The following GRID2 variants were observed in gnomAD, a reference collection of about 807,000 sequenced individuals.
GRID2 encodes the protein glutamate receptor ionotropic, delta-2.
Under a neutral mutation model 114.8 loss-of-function variants are expected in GRID2, and 33 were observed. That is an observed-to-expected ratio of 0.29 (90% CI 0.22 to 0.38). The LOEUF (loss-of-function observed/expected upper bound fraction) is 0.38, where lower values mean the gene tolerates loss of function less well. Among genes scored for constraint, GRID2 ranks in the 10% least tolerant of loss-of-function variants. The pLI, the probability that GRID2 is intolerant of heterozygous loss-of-function variation, is 1.00. For synonymous variants in GRID2, 505 were observed against 449.9 expected, an observed-to-expected ratio of 1.12 and a Z score of -1.55; for missense variants, 1,184 against 1,257.7, an observed-to-expected ratio of 0.94 and a Z score of 0.89.
At chr4:92,983,281 A>G (rs964451976) in intron 2 of GRID2, among the ~76,000 whole-genome samples, 3 of 152,044 alleles carry the variant, frequency 2.0e-5, no homozygotes, top group Non-Finnish European at 4.4e-5. Context: ...CTGGAGAGGA[A>G]CTTTTTACTG....
At chr4:93,052,470 A>G (rs539998569) in intron 2 of GRID2, among the ~76,000 whole-genome samples, 33 of 152,114 alleles carry the variant, frequency 2.2e-4, no homozygotes, top group African/African-American at 7.9e-4. Flanking sequence ...TATGGTGGAG[A>G]CTATTATTCC....
intron 1 of GRID2, among the ~76,000 whole-genome samples, chr4:92,435,277 G>A (rs1340357762): frequency 1.3e-5 from 2 of 152,166 alleles, no homozygotes; most frequent in Non-Finnish European, 2.9e-5. Context: ...CAACCTGAGT[G>A]TAGCTTTGTG....
chr4:93,336,012 T>C (rs1351054586), intron 8 of GRID2, among the ~76,000 whole-genome samples: 2 of 152,152 alleles, frequency 1.3e-5, no homozygotes, highest in East Asian at 3.8e-4. Context: ...AGTAATTTTT[T>C]CTCTAAAACA....
intron 2 of GRID2, among the ~76,000 whole-genome samples, chr4:92,836,628 G>A (rs1201156102): frequency 6.6e-6 from 1 of 152,012 alleles, no homozygotes; most frequent in Admixed American, 6.6e-5. Context: ...AATGTAAGGA[G>A]GCAGAAATAT....
chr4:93,238,581 A>T, intron 8 of GRID2, 91 bp downstream of exon 8: 1 of 1,079,618 alleles, frequency 9.3e-7, no homozygotes, highest in East Asian at 2.7e-5. Flanking sequence ...GTACCCATTA[A>T]AGTCAATATT....
rs1014561769 is a variant in GRID2 at position 93,180,823 on chromosome 4, C to A, written c.736-26581C>A. Among the ~76,000 whole-genome samples the A allele has an allele frequency of 2.0e-5, 3 of 152,114 alleles. No individual in the cohort carries two copies. The South Asian group carries it at 6.2e-4, about 32-fold the overall frequency. ...GGAATCCAGTCACATCTCCAGGCTC[C>A]AATTCTAATTCTTATTCCCTTGCTA... On this transcript the variant is annotated intron_variant, in intron 4 of 15. Transcript: ENST00000282020.
At chr4:93,741,189 ATATATATATATG>A (rs1417808304) in intron 14 of GRID2, among the ~76,000 whole-genome samples, 750 of 31,738 alleles carry the variant, frequency 0.024, 71 homozygotes, top group African/African-American at 0.065. Context: ...ATATATATAT[ATATATATATATG>A]TATATATATA....
At chr4:93,441,863 CA>C (rs10670834) in intron 10 of GRID2, among the ~76,000 whole-genome samples, 2 of 150,730 alleles carry the variant, frequency 1.3e-5, no homozygotes, top group Non-Finnish European at 3.0e-5. Flanking sequence ...TAACTAAGAA[CA>C]AAAAAAAATC....
At chr4:93,141,581 T>C (rs921373028) in intron 4 of GRID2, among the ~76,000 whole-genome samples, 2 of 152,242 alleles carry the variant, frequency 1.3e-5, no homozygotes, top group Non-Finnish European at 2.9e-5. Flanking sequence ...CTTTAAATTA[T>C]GTGTTGAAAT....
At chr4:92,735,774 A>G (rs1218383904) in intron 2 of GRID2, among the ~76,000 whole-genome samples, 1 of 151,912 alleles carries the variant, frequency 6.6e-6, no homozygotes, top group African/African-American at 2.4e-5. Flanking sequence ...GATCTCTTTC[A>G]GGTGGATTGA....
rs537797319 is a variant in GRID2 at position 92,780,172 on chromosome 4, C to A, written c.244+189886C>A. On this transcript the variant is annotated intron_variant, in intron 2 of 15. Transcript: ENST00000282020. ...CGCAATTTAGAAACTAATAATAGAG[C>A]AAATAGTGGATAAAGTCATCAGTGT... Among the ~76,000 whole-genome samples, 77 of 152,182 alleles carry A rather than the reference C, an allele frequency of 5.1e-4. 1 individual carries two copies. The South Asian group carries it at 7.0e-3, about 14-fold the overall frequency.
intron 1 of GRID2, among the ~76,000 whole-genome samples, chr4:92,583,745 TACAC>T (rs1579627079): frequency 1.3e-5 from 2 of 150,232 alleles, no homozygotes; most frequent in East Asian, 1.9e-4. Context: ...ATTTATTACA[TACAC>T]ACATATGTAC....
chr4:93,075,248 A>G (rs1052149624), intron 2 of GRID2, among the ~76,000 whole-genome samples: 1 of 152,218 alleles, frequency 6.6e-6, no homozygotes, highest in African/African-American at 2.4e-5. Flanking sequence ...AATAAAATCT[A>G]ACATCCATTC....
chr4:93,292,220 T>C (rs564966177), intron 8 of GRID2, among the ~76,000 whole-genome samples: 97 of 152,286 alleles, frequency 6.4e-4, no homozygotes, highest in Middle Eastern at 3.4e-3. Context: ...CTGCAGTCCT[T>C]CTCCCCATAT....
chr4:93,363,497 A>G (rs1273379532), intron 8 of GRID2, among the ~76,000 whole-genome samples: 2 of 152,172 alleles, frequency 1.3e-5, no homozygotes, highest in Non-Finnish European at 2.9e-5. Context: ...TCTAATATAT[A>G]AAAATCAAAC....
chr4:93,081,838 T>C (rs183781801), intron 2 of GRID2, among the ~76,000 whole-genome samples: 2 of 152,338 alleles, frequency 1.3e-5, no homozygotes, highest in African/African-American at 2.4e-5. Context: ...CTGCAACTCA[T>C]AATAATAGTC....
chr4:92,443,972 G>T (rs928880772), intron 1 of GRID2, among the ~76,000 whole-genome samples: 1 of 152,164 alleles, frequency 6.6e-6, no homozygotes, highest in Non-Finnish European at 1.5e-5. Flanking sequence ...ATTAAGAGAT[G>T]GGAGAGATTG....
At chr4:92,372,008 A>C (rs1729138162) in intron 1 of GRID2, among the ~76,000 whole-genome samples, 1 of 152,144 alleles carries the variant, frequency 6.6e-6, no homozygotes, top group South Asian at 2.1e-4. Context: ...ACTCACTACA[A>C]ATGTGGTAGA....
chr4:93,534,818 C>A (rs974304824), intron 13 of GRID2, among the ~76,000 whole-genome samples: 1 of 150,194 alleles, frequency 6.7e-6, no homozygotes, highest in South Asian at 2.1e-4. Context: ...ACCAAGCTAA[C>A]TAACACACCC....
Sources: gnomAD v4.1 joint callset for allele counts (sites outside exome capture counted in the v4.1 genomes callset) on GRCh38, gnomAD v4.1.1 for gene constraint, MANE v1.5 for transcripts, NCBI Gene and HGNC (gene_info 2026-07-23, HGNC 2026-07-21) for gene names.